Variants in NFATC3 observed in about 807,000 individuals in gnomAD.
The protein encoded by NFATC3 is nuclear factor of activated T cells 3.
NFATC3 carries 46 observed loss-of-function variants against 98.6 expected under a neutral mutation model. The observed-to-expected ratio is 0.47, with a 90% CI of 0.37 to 0.60. The LOEUF (loss-of-function observed/expected upper bound fraction) is 0.60. Ranked by LOEUF, NFATC3 falls within the 20% of genes least tolerant of loss-of-function variation. NFATC3 has a pLI of 0.00. For missense variants in NFATC3, 1,256 were observed against 1,295.5 expected, an observed-to-expected ratio of 0.97 and a Z score of 0.47; for synonymous variants, 512 against 472.2, an observed-to-expected ratio of 1.08 and a Z score of -1.09.
intron 3 of NFATC3, among the ~76,000 whole-genome samples, chr16:68,144,935 G>C (rs1217764702): frequency 1.3e-5 from 2 of 152,104 alleles, no homozygotes; most frequent in Admixed American, 6.6e-5. Flanking sequence ...TGGGATTACA[G>C]GTATGAGCCA....
At chr16:68,204,568 G>A (rs1274281169) in intron 9 of NFATC3, among the ~76,000 whole-genome samples, 1 of 152,176 alleles carries the variant, frequency 6.6e-6, no homozygotes, top group Non-Finnish European at 1.5e-5. Flanking sequence ...AATAATTGGG[G>A]CAGACATTTG....
At chr16:68,151,678 T>C (rs533415285) in intron 3 of NFATC3, among the ~76,000 whole-genome samples, 26 of 152,270 alleles carry the variant, frequency 1.7e-4, no homozygotes, top group Non-Finnish European at 3.2e-4. Flanking sequence ...ACCCCACTTA[T>C]CATGTTGACA....
intron 4 of NFATC3, among the ~76,000 whole-genome samples, chr16:68,163,353 G>A (rs1451702466): frequency 1.3e-5 from 2 of 151,442 alleles, no homozygotes; most frequent in African/African-American, 4.8e-5. Flanking sequence ...CGGGGCGGCT[G>A]GCTGGGCTGG....
intron 9 of NFATC3, among the ~76,000 whole-genome samples, chr16:68,205,665 A>G (rs940910795): frequency 6.6e-6 from 1 of 152,184 alleles, no homozygotes; most frequent in Non-Finnish European, 1.5e-5. Flanking sequence ...TGGAGTTACT[A>G]GTTTCTTGGC....
At chr16:68,211,808 C>T (rs2041414626) in intron 9 of NFATC3, among the ~76,000 whole-genome samples, 1 of 152,214 alleles carries the variant, frequency 6.6e-6, no homozygotes, top group African/African-American at 2.4e-5. Context: ...AGGCATGAGG[C>T]ACCGTGCCCG....
intron 1 of NFATC3, among the ~76,000 whole-genome samples, chr16:68,092,030 G>A (rs754196625): frequency 1.3e-5 from 2 of 152,188 alleles, no homozygotes; most frequent in Admixed American, 6.5e-5. Flanking sequence ...TAATGTTTAC[G>A]TAATTATATT....
intron 9 of NFATC3, among the ~76,000 whole-genome samples, chr16:68,197,481 G>A (rs914521515): frequency 1.3e-5 from 2 of 152,112 alleles, no homozygotes; most frequent in South Asian, 2.1e-4. Context: ...AGAGCCAGGC[G>A]TGGTGGTGTG....
intron 9 of NFATC3, among the ~76,000 whole-genome samples, chr16:68,216,533 CT>C (rs869288708): frequency 4.1e-4 from 60 of 145,180 alleles, no homozygotes; most frequent in Non-Finnish European, 4.9e-4. Context: ...AAGAGGTTTT[CT>C]TTTTTTTTTT....
intron 4 of NFATC3, among the ~76,000 whole-genome samples, chr16:68,161,408 T>C (rs2038886941): frequency 6.6e-6 from 1 of 152,234 alleles, no homozygotes; most frequent in African/African-American, 2.4e-5. Context: ...TTAACTTGGC[T>C]TGAGGGACAG....
chr16:68,158,500 G>A (rs2038725446), intron 4 of NFATC3, among the ~76,000 whole-genome samples: 1 of 152,182 alleles, frequency 6.6e-6, no homozygotes, highest in African/African-American at 2.4e-5. Flanking sequence ...ATGCAATAGA[G>A]TTTTGTACAA....
At chr16:68,164,360 C>A (rs528453878) in intron 4 of NFATC3, among the ~76,000 whole-genome samples, 6 of 152,198 alleles carry the variant, frequency 3.9e-5, no homozygotes, top group Admixed American at 3.3e-4. Context: ...AGCTTCGGCT[C>A]GGTATCAGAG....
intron 1 of NFATC3, among the ~76,000 whole-genome samples, chr16:68,087,789 TAGG>T (rs1188208366): frequency 2.0e-5 from 3 of 152,184 alleles, no homozygotes; most frequent in Non-Finnish European, 4.4e-5. Context: ...TTTATATAAA[TAGG>T]ATAATATAAT....
Position 68,123,136 on chromosome 16 carries a change from A to G in NFATC3, c.1238+15A>G, listed in dbSNP as rs2036636040. Reference sequence around the variant, plus strand: ...CCTATATTTCGGTGAGTTGATGGAAATGGCTGCTGGTCATTTTTCATGTTT... The same window carrying G: ...CCTATATTTCGGTGAGTTGATGGAAGTGGCTGCTGGTCATTTTTCATGTTT... On this transcript the variant is annotated intron_variant, in intron 2 of 9. Transcript: ENST00000346183. 4 of 1,579,794 alleles carry G rather than the reference A, an allele frequency of 2.5e-6. No individual in the cohort carries two copies.
intron 3 of NFATC3, among the ~76,000 whole-genome samples, chr16:68,146,843 C>T (rs957566222): frequency 6.6e-6 from 1 of 152,210 alleles, no homozygotes. Flanking sequence ...AGAGGGTGGA[C>T]TGAAGAGATT....
chr16:68,164,872 C>T (rs778533195), intron 4 of NFATC3, among the ~76,000 whole-genome samples: 7 of 152,132 alleles, frequency 4.6e-5, no homozygotes, highest in Non-Finnish European at 7.4e-5. Flanking sequence ...GAGCAAGACT[C>T]AGTCTCAAAA....
chr16:68,142,645 C>G (rs911526247), intron 3 of NFATC3, among the ~76,000 whole-genome samples: 4 of 151,892 alleles, frequency 2.6e-5, no homozygotes, highest in Admixed American at 2.0e-4. Context: ...GTAATCTCAG[C>G]TACTTGGGAG....
intron 1 of NFATC3, among the ~76,000 whole-genome samples, chr16:68,120,153 C>CAA (rs2036494486): frequency 6.7e-6 from 1 of 150,348 alleles, no homozygotes; most frequent in Admixed American, 6.6e-5. Flanking sequence ...TGGTGGCATG[C>CAA]ACCTGTGGTC....
intron 3 of NFATC3, among the ~76,000 whole-genome samples, chr16:68,137,213 T>C (rs2037468905): frequency 6.6e-6 from 1 of 152,214 alleles, no homozygotes; most frequent in Admixed American, 6.5e-5. Flanking sequence ...AAAGATATTT[T>C]ATTTCTTTAT....
Position 68,085,755 on chromosome 16 carries a change from C to T in NFATC3, c.74C>T (p.Ala25Val), listed in dbSNP as rs867081315. 6.7e-7 allele frequency: 1 copy of T among 1,502,324 alleles called. No individual in the cohort carries two copies. Among genetic ancestry groups the T allele is most frequent in the East Asian group, 2.8e-5 (1 of 35,904 alleles). 93.1% of individuals were successfully genotyped at this position (1,502,324 alleles called of 1,614,324 possible). A position where few individuals can be genotyped will look rare whatever the true frequency, so the allele number is the denominator to read the frequency against. The change falls in exon 1 of 10, where the codon GCG becomes GTG. Residue 25 changes from alanine (A) to valine (V), a missense_variant. Ala to Val is a moderately conservative substitution (Grantham distance 64, BLOSUM62 0). Around this residue, in one of 3 missense-constraint regions of NFATC3, gnomAD observed 464 missense variants for 465.7 expected, o/e 1.00. Transcript: ENST00000346183. Reference protein sequence around the residue: ...KLVFGEDGAPAPPPPGSRPAD... With the variant: ...KLVFGEDGAPVPPPPGSRPAD... ...GTCTTTGGCGAGGACGGGGCGCCGG[C>T]GCCGCCGCCCCCGGGCTCGCGGCCT...
Sources: gnomAD v4.1 joint callset for allele counts (sites outside exome capture counted in the v4.1 genomes callset) on GRCh38, gnomAD v4.1.1 for gene constraint, gnomAD v4.1.1 regional missense constraint, MANE v1.5 for transcripts, NCBI Gene and HGNC (gene_info 2026-07-23, HGNC 2026-07-21) for gene names.